Variants in TSHZ2 observed in about 807,000 individuals in gnomAD.
The protein encoded by TSHZ2 is teashirt homolog 2.
In TSHZ2, 21 loss-of-function variants were observed where a neutral mutation model predicts 74.4. The observed-to-expected ratio is 0.28, with a 90% CI of 0.20 to 0.41. TSHZ2 has a LOEUF of 0.41. Ranked by LOEUF, TSHZ2 falls within the 10% of genes least tolerant of loss-of-function variation. TSHZ2 has a pLI of 1.00. For synonymous variants in TSHZ2, 540 were observed against 515.3 expected, an observed-to-expected ratio of 1.05 and a Z score of -0.65; for missense variants, 1,244 against 1,293.5, an observed-to-expected ratio of 0.96 and a Z score of 0.59.
Position 53,254,137 on chromosome 20 carries a change from C to G in TSHZ2, c.679C>G (p.Leu227Val). 2 of 1,614,132 alleles carry G rather than the reference C, an allele frequency of 1.2e-6. No individual in the cohort carries two copies. Among genetic ancestry groups the G allele is most frequent in the Non-Finnish European group, 1.7e-6 (2 of 1,180,026 alleles). ...CRQCSAAYDT[L>V]VELTVHMNET... ...ACAGTGCAGCGCGGCCTATGACACC[C>G]TAGTCGAGCTGACTGTGCACATGAA... is the stretch of plus-strand genomic sequence containing the variant. The change falls in exon 2 of 3, where the codon CTA becomes GTA. Residue 227 changes from leucine (L) to valine (V), a missense_variant. Physicochemically the swap from Leu to Val is conservative, Grantham distance 32. This residue lies in a region of TSHZ2 where 470 missense variants were observed against 456.5 expected (regional missense o/e 1.03). Transcript: ENST00000371497.
chr20:53,460,584 C>T (rs1985318322), intron 2 of TSHZ2, among the ~76,000 whole-genome samples: 2 of 152,216 alleles, frequency 1.3e-5, no homozygotes, highest in South Asian at 4.1e-4. Flanking sequence ...TGTTCCGTTG[C>T]TGGTGAGGAG....
intron 1 of TSHZ2, among the ~76,000 whole-genome samples, chr20:53,219,385 A>G (rs1289755364): frequency 6.6e-6 from 1 of 152,222 alleles, no homozygotes; most frequent in Non-Finnish European, 1.5e-5. Context: ...GTTATAAAAG[A>G]CTGAAAATGG....
chr20:53,401,864 GT>G (rs1218606729), intron 2 of TSHZ2, among the ~76,000 whole-genome samples: 1 of 138,772 alleles, frequency 7.2e-6, no homozygotes, highest in Non-Finnish European at 1.5e-5. Flanking sequence ...CTCACTGCAA[GT>G]TCCGCCTCCC....
chr20:53,045,612 G>A (rs1984200006), intron 1 of TSHZ2, among the ~76,000 whole-genome samples: 1 of 152,190 alleles, frequency 6.6e-6, no homozygotes, highest in Non-Finnish European at 1.5e-5. Flanking sequence ...AATTTGGATT[G>A]GCAACTTTTG....
At chr20:53,127,033 A>G (rs767947344) in intron 1 of TSHZ2, among the ~76,000 whole-genome samples, 5 of 152,144 alleles carry the variant, frequency 3.3e-5, no homozygotes, top group Admixed American at 2.0e-4. Context: ...AAAAAGAAGA[A>G]GAGGAAGAGA....
chr20:53,302,826 C>T (rs951415348), intron 2 of TSHZ2, among the ~76,000 whole-genome samples: 2 of 152,136 alleles, frequency 1.3e-5, no homozygotes, highest in Non-Finnish European at 2.9e-5. Flanking sequence ...AAATGAACCC[C>T]GTAAAATCTA....
chr20:53,081,628 G>A (rs1201318431), intron 1 of TSHZ2, among the ~76,000 whole-genome samples: 6 of 152,032 alleles, frequency 3.9e-5, no homozygotes, highest in South Asian at 2.1e-4. Flanking sequence ...CCACTTCCAC[G>A]GCTCTTTATT....
intron 1 of TSHZ2, among the ~76,000 whole-genome samples, chr20:53,011,257 C>T (rs932587249): frequency 1.5e-4 from 23 of 152,154 alleles, no homozygotes; most frequent in African/African-American, 5.3e-4. Context: ...TGCAAGTCTG[C>T]CATATCTCAA....
intron 1 of TSHZ2, among the ~76,000 whole-genome samples, chr20:53,020,058 G>A (rs994210229): frequency 6.6e-6 from 1 of 152,214 alleles, no homozygotes; most frequent in Non-Finnish European, 1.5e-5. Flanking sequence ...GGGGGAAACT[G>A]CCACTTTTAA....
intron 1 of TSHZ2, among the ~76,000 whole-genome samples, chr20:53,147,164 C>T (rs1431949815): frequency 2.0e-5 from 3 of 152,086 alleles, no homozygotes; most frequent in South Asian, 4.1e-4. Flanking sequence ...TTTGTTTCCT[C>T]ATGTGACTCT....
At chr20:53,217,109 G>A (rs1989455082) in intron 1 of TSHZ2, among the ~76,000 whole-genome samples, 1 of 152,218 alleles carries the variant, frequency 6.6e-6, no homozygotes, top group Non-Finnish European at 1.5e-5. Flanking sequence ...GTGATGTGCG[G>A]CTGTATCGAT....
At chr20:52,975,045 T>C (rs531398043) in intron 1 of TSHZ2, among the ~76,000 whole-genome samples, 1 of 152,336 alleles carries the variant, frequency 6.6e-6, no homozygotes, top group East Asian at 1.9e-4. Flanking sequence ...ACTGATTTCC[T>C]AAAACTTAGG....
At chr20:53,347,400 C>T (rs1001314434) in intron 2 of TSHZ2, among the ~76,000 whole-genome samples, 2 of 152,112 alleles carry the variant, frequency 1.3e-5, no homozygotes, top group African/African-American at 4.8e-5. Flanking sequence ...CTGTGACCCC[C>T]ACATGTCTGC....
chr20:52,976,015 C>A (rs1237184288), intron 1 of TSHZ2, among the ~76,000 whole-genome samples: 1 of 152,146 alleles, frequency 6.6e-6, no homozygotes, highest in Non-Finnish European at 1.5e-5. Context: ...ATAGAAAAAG[C>A]CTGTGAGTGG....
chr20:53,228,694 C>T (rs965248978), intron 1 of TSHZ2, among the ~76,000 whole-genome samples: 17 of 123,712 alleles, frequency 1.4e-4, no homozygotes, highest in African/African-American at 5.0e-4. Flanking sequence ...TTGTCCTCTG[C>T]CCATTGGATG....
chr20:53,044,674 G>A (rs970375918), intron 1 of TSHZ2, among the ~76,000 whole-genome samples: 3 of 152,138 alleles, frequency 2.0e-5, no homozygotes, highest in African/African-American at 7.2e-5. Context: ...CTTTAAGGAT[G>A]CAGACAGTGC....
intron 2 of TSHZ2, among the ~76,000 whole-genome samples, chr20:53,371,874 CAAA>C (rs967830516): frequency 4.0e-5 from 3 of 74,408 alleles, no homozygotes; most frequent in Admixed American, 1.5e-4. Flanking sequence ...GACTCCGTCT[CAAA>C]AAAAAAAAAA....
rs894186141 is a variant in TSHZ2 at position 53,471,809 on chromosome 20, T to C, written c.*9-15335T>C. ...CCGTAGACACTTTTCTTTTCTTTTT[T>C]TTTTTTTTTTTTTTGAGATAGAGTT... On this transcript the variant is annotated intron_variant, in intron 2 of 2. Transcript: ENST00000371497. Among the ~76,000 whole-genome samples, 1,334 of 148,182 alleles carry C rather than the reference T, an allele frequency of 9.0e-3. 25 individuals are homozygous for C. The highest frequency in any genetic ancestry group is 0.031 in the African/African-American group (1,255 of 40,364).
chr20:53,241,161 C>T (rs1002241658), intron 1 of TSHZ2, among the ~76,000 whole-genome samples: 1 of 152,120 alleles, frequency 6.6e-6, no homozygotes, highest in Middle Eastern at 3.2e-3. Flanking sequence ...TAACCTAAGT[C>T]GAAGGGTCAA....
Sources: gnomAD v4.1 joint callset for allele counts (sites outside exome capture counted in the v4.1 genomes callset) on GRCh38, gnomAD v4.1.1 for gene constraint, gnomAD v4.1.1 regional missense constraint, MANE v1.5 for transcripts, NCBI Gene and HGNC (gene_info 2026-07-23, HGNC 2026-07-21) for gene names.